Variants in GRHL2 observed in about 807,000 individuals in gnomAD.
GRHL2 encodes the protein grainyhead like transcription factor 2.
Under a neutral mutation model 83.8 loss-of-function variants are expected in GRHL2, and 21 were observed. That is an observed-to-expected ratio of 0.25 (90% CI 0.18 to 0.36). GRHL2 has a LOEUF of 0.36. GRHL2 is among the 10% of genes least tolerant of loss of function. The pLI is 1.00. For synonymous variants in GRHL2, 280 were observed against 278.9 expected (o/e 1.00, Z -0.04); for missense variants, 623 against 781.8 (o/e 0.80, Z 2.42).
intron 1 of GRHL2, among the ~76,000 whole-genome samples, chr8:101,521,558 G>C (rs1244316327): frequency 6.6e-6 from 1 of 152,182 alleles, no homozygotes; most frequent in Admixed American, 6.5e-5. Flanking sequence ...CACCAGGGCA[G>C]AGACTGGGTC....
Position 101,558,702 on chromosome 8 carries a change from A to G in GRHL2, c.568A>G (p.Thr190Ala), listed in dbSNP as rs757547292. ...EEQRVVIFEQ[T>A]QYDVPSLATH... is the part of the protein sequence containing the mutation. ...GCAACGAGTGGTTATCTTTGAACAG[A>G]CTCAGTATGACGTGCCCTCGCTGGC... Residue 190 changes from threonine to alanine, a missense_variant, in exon 4 of 16, where the codon ACT becomes GCT. Physicochemically the swap from Thr to Ala is moderately conservative, Grantham distance 58. This residue lies in a region of GRHL2 where 239 missense variants were observed against 240.5 expected (regional missense o/e 0.99). Coordinates refer to ENST00000646743, the MANE Select transcript of GRHL2 (RefSeq NM_024915.4). The G allele has an allele frequency of 6.2e-7, 1 of 1,614,038 alleles. No individual in the cohort carries two copies. The highest frequency in any genetic ancestry group is 8.5e-7 in the Non-Finnish European group (1 of 1,179,998).
chr8:101,562,657 A>G (rs1474737377), intron 4 of GRHL2, among the ~76,000 whole-genome samples: 4 of 152,184 alleles, frequency 2.6e-5, no homozygotes, highest in Non-Finnish European at 5.9e-5. Flanking sequence ...TATTCATTGA[A>G]TTGCCTTGGG....
intron 2 of GRHL2, among the ~76,000 whole-genome samples, chr8:101,549,778 G>C (rs911830862): frequency 1.4e-4 from 22 of 152,130 alleles, no homozygotes; most frequent in African/African-American, 4.3e-4. Flanking sequence ...AAGCAGCCCT[G>C]GTGGCTAGAA....
chr8:101,512,924 G>C (rs1281787215), intron 1 of GRHL2, among the ~76,000 whole-genome samples: 3 of 152,162 alleles, frequency 2.0e-5, no homozygotes, highest in Non-Finnish European at 2.9e-5. Flanking sequence ...GGGCTCTGGT[G>C]AAGTCCTTCT....
intron 3 of GRHL2, 52 bp downstream of exon 3, chr8:101,552,834 AT>A (rs1438372104): frequency 6.6e-7 from 1 of 1,519,268 alleles, no homozygotes; most frequent in Non-Finnish European, 9.1e-7. Context: ...CTAAAAAACA[AT>A]GTTATTAAAC....
chr8:101,576,446 C>A (rs929836911), intron 6 of GRHL2, among the ~76,000 whole-genome samples: 12 of 152,214 alleles, frequency 7.9e-5, no homozygotes, highest in Admixed American at 2.6e-4. Context: ...TCTTGAATTC[C>A]TGGACTCAAG....
chr8:101,665,380 C>G (rs370912697), intron 15 of GRHL2, among the ~76,000 whole-genome samples: 1 of 152,164 alleles, frequency 6.6e-6, no homozygotes, highest in East Asian at 1.9e-4. Flanking sequence ...AACTCTTCTC[C>G]GGATCACTTT....
At chr8:101,549,721 C>T (rs1473427076) in intron 2 of GRHL2, among the ~76,000 whole-genome samples, 4 of 152,172 alleles carry the variant, frequency 2.6e-5, no homozygotes, top group African/African-American at 7.2e-5. Flanking sequence ...TCATTCCTCA[C>T]GTGGGACATG....
intron 1 of GRHL2, among the ~76,000 whole-genome samples, chr8:101,540,289 G>A (rs1811125592): frequency 6.6e-6 from 1 of 152,122 alleles, no homozygotes; most frequent in African/African-American, 2.4e-5. Flanking sequence ...GAAAGTGAAC[G>A]TTAGACATTA....
intron 7 of GRHL2, 50 bp from the exon 8 acceptor site, chr8:101,599,007 C>G: frequency 7.9e-7 from 1 of 1,269,934 alleles, no homozygotes; most frequent in South Asian, 1.2e-5. Context: ...GTACATGTCA[C>G]TGAGTCACTC....
Position 101,613,157 on chromosome 8 carries a change from C to T in GRHL2, c.1099-6382C>T, listed in dbSNP as rs1000799926. 4.7e-5 allele frequency among the ~76,000 whole-genome samples: 7 copies of T among 150,534 alleles called. 1 individual carries two copies. Among genetic ancestry groups the T allele is most frequent in the South Asian group, 2.1e-4 (1 of 4,810 alleles). ...AGAAGGCAGAGCACACAGCAGGCAG[C>T]GAAGCCTCTGAAAGGAGAACAAACA... On this transcript the variant is annotated intron_variant, in intron 8 of 15. Coordinates refer to ENST00000646743, the MANE Select transcript of GRHL2 (RefSeq NM_024915.4).
chr8:101,624,581 A>C (rs1813043011), intron 9 of GRHL2, among the ~76,000 whole-genome samples: 1 of 146,184 alleles, frequency 6.8e-6, no homozygotes, highest in South Asian at 2.2e-4. Context: ...ACAGTAGAAC[A>C]GTTCACAGTA....
intron 7 of GRHL2, among the ~76,000 whole-genome samples, chr8:101,580,760 G>A (rs1472154975): frequency 6.6e-6 from 1 of 152,082 alleles, no homozygotes; most frequent in Non-Finnish European, 1.5e-5. Context: ...CTGGAGTGCG[G>A]TGGCATGATC....
At chr8:101,583,327 G>A (rs1475592226) in intron 7 of GRHL2, among the ~76,000 whole-genome samples, 1 of 152,212 alleles carries the variant, frequency 6.6e-6, no homozygotes, top group Non-Finnish European at 1.5e-5. Context: ...TTGCAAAGGA[G>A]AAATACAAAG....
At chr8:101,652,513 G>A (rs1586173452) in intron 14 of GRHL2, among the ~76,000 whole-genome samples, 1 of 47,316 alleles carries the variant, frequency 2.1e-5, no homozygotes, top group Non-Finnish European at 3.9e-5. Context: ...TGTGTGTGGT[G>A]TGTGTGTGGT....
chr8:101,523,245 ATT>A (rs572488332), intron 1 of GRHL2, among the ~76,000 whole-genome samples: 1 of 144,984 alleles, frequency 6.9e-6, no homozygotes, highest in African/African-American at 2.5e-5. Flanking sequence ...ATGAAAGGGG[ATT>A]TTTTTTTTTT....
At chr8:101,580,693 T>C (rs1812033404) in intron 7 of GRHL2, among the ~76,000 whole-genome samples, 1 of 152,128 alleles carries the variant, frequency 6.6e-6, no homozygotes, top group South Asian at 2.1e-4. Context: ...TATTTTTATT[T>C]ATTTTATTTT....
At chr8:101,633,434 G>C (rs984852901) in intron 11 of GRHL2, among the ~76,000 whole-genome samples, 1 of 152,170 alleles carries the variant, frequency 6.6e-6, no homozygotes. Flanking sequence ...ATTGACCTTG[G>C]TGTAGAAAGA....
chr8:101,567,929 C>T (rs1214657525), intron 4 of GRHL2, among the ~76,000 whole-genome samples: 1 of 152,214 alleles, frequency 6.6e-6, no homozygotes, highest in Non-Finnish European at 1.5e-5. Flanking sequence ...TTATGGATTA[C>T]TGCATATTCC....
Sources: allele counts gnomAD v4.1 joint callset (sites outside exome capture counted in the v4.1 genomes callset), GRCh38; gene constraint gnomAD v4.1.1; regional missense constraint gnomAD v4.1.1; transcripts MANE v1.5; gene names NCBI Gene and HGNC (gene_info 2026-07-23, HGNC 2026-07-21).